PCDHA5: variants seen among roughly 807,000 people sequenced by gnomAD.
PCDHA5 encodes protocadherin alpha-5.
A neutral mutation model predicts 61.6 loss-of-function variants in PCDHA5; 43 were observed. The observed-to-expected ratio is 0.70, with a 90% CI of 0.55 to 0.90. PCDHA5 has a LOEUF of 0.90. PCDHA5 is among the 40% of genes least tolerant of loss of function. The pLI, the probability that PCDHA5 is intolerant of heterozygous loss-of-function variation, is 0.00. For synonymous variants in PCDHA5, 627 were observed against 543.9 expected (o/e 1.15, Z -2.13); for missense variants, 1,298 against 1,222.7 (o/e 1.06, Z -0.92).
At position 140,982,572 on chromosome 5, in the gene PCDHA5, C is replaced by G. The variant is rs782271002; in HGVS notation, c.2500+9C>G. 1 of 1,613,760 alleles carries G rather than the reference C, an allele frequency of 6.2e-7. No homozygotes were observed. Among genetic ancestry groups the G allele is most frequent in the Non-Finnish European group, 8.5e-7 (1 of 1,179,726 alleles). On this transcript the variant is annotated intron_variant, in intron 3 of 3. Transcript: ENST00000529859. ...ATCCAGTGCAACACCAGGTAAAGAGCTGGGGTCTCTCCATTCTTTCTTGGT... is the reference window on the plus strand; with the variant it reads ...ATCCAGTGCAACACCAGGTAAAGAGGTGGGGTCTCTCCATTCTTTCTTGGT...
intron 1 of PCDHA5, among the ~76,000 whole-genome samples, chr5:140,831,520 C>CTTTTTTTT (rs35178185): frequency 4.1e-5 from 5 of 122,414 alleles, no homozygotes; most frequent in Non-Finnish European, 6.6e-5. Context: ...TGCCCCCCAC[C>CTTTTTTTT]TTTTTTTTTT....
intron 1 of PCDHA5, chr5:140,882,442 G>A (rs1554174153): frequency 6.2e-7 from 1 of 1,613,948 alleles, no homozygotes; most frequent in African/African-American, 1.3e-5. Context: ...AGCTGGCGGA[G>A]CTGGTGCCGC....
chr5:140,857,573 G>A (rs142356019), intron 1 of PCDHA5: 83,412 of 1,596,632 alleles, frequency 0.052, 9,343 homozygotes, highest in Middle Eastern at 0.089. Flanking sequence ...CTACGTGTCG[G>A]TGCACGCGGA....
chr5:140,827,185 C>G (rs1368140557), intron 1 of PCDHA5, among the ~76,000 whole-genome samples: 1 of 151,946 alleles, frequency 6.6e-6, no homozygotes, highest in Non-Finnish European at 1.5e-5. Flanking sequence ...AAGTCTTATT[C>G]AAAACTTGGA....
intron 1 of PCDHA5, chr5:140,882,691 C>G (rs201544181): frequency 1.2e-6 from 2 of 1,614,216 alleles, no homozygotes; most frequent in Admixed American, 1.7e-5. Context: ...AACGAATAAT[C>G]ATTGCAGAAT....
intron 3 of PCDHA5, among the ~76,000 whole-genome samples, chr5:140,988,416 A>G (rs1462025901): frequency 6.6e-6 from 1 of 152,118 alleles, no homozygotes; most frequent in Non-Finnish European, 1.5e-5. Flanking sequence ...AGCTTATGTA[A>G]AGAATTTGTT....
At chr5:140,997,911 C>T (rs2097790216) in intron 3 of PCDHA5, among the ~76,000 whole-genome samples, 1 of 152,120 alleles carries the variant, frequency 6.6e-6, no homozygotes, top group East Asian at 1.9e-4. Context: ...AGTAGAATTA[C>T]AGAATCATAG....
intron 1 of PCDHA5, chr5:140,849,834 G>A: frequency 6.3e-7 from 1 of 1,598,606 alleles, no homozygotes; most frequent in Admixed American, 1.7e-5. Context: ...GGAGGTGGCC[G>A]ACGTGAACGA....
intron 1 of PCDHA5, chr5:140,882,426 G>A (rs148335988): frequency 6.1e-5 from 99 of 1,613,954 alleles, no homozygotes; most frequent in Non-Finnish European, 7.9e-5. Context: ...CAGGACCTGG[G>A]GCTGGAGCTG....
chr5:140,905,991 G>C (rs1377300111), intron 1 of PCDHA5, among the ~76,000 whole-genome samples: 1 of 152,156 alleles, frequency 6.6e-6, no homozygotes, highest in Non-Finnish European at 1.5e-5. Flanking sequence ...AAAGATGTAG[G>C]CTGGGAGGCT....
At chr5:140,902,395 G>A (rs782771913) in intron 1 of PCDHA5, among the ~76,000 whole-genome samples, 2 of 151,802 alleles carry the variant, frequency 1.3e-5, no homozygotes, top group Non-Finnish European at 2.9e-5. Context: ...GTACTATGTT[G>A]AATACTATGT....
In PCDHA5 at chr5:140,850,283, A is replaced by C. The variant is rs143335350; in HGVS notation, c.2352+26156A>C. The C allele has an allele frequency of 4.9e-5, 78 of 1,595,592 alleles. 6 individuals carry two copies. In the African/African-American group the frequency reaches 9.3e-4, roughly 19 times the overall value. On this transcript the variant is annotated intron_variant, in intron 1 of 3. Coordinates refer to ENST00000529859, the MANE Select transcript of PCDHA5 (RefSeq NM_018908.3). ...GCGTAGTGGTGGGGAAGGTGCGCGC[A>C]GTGGACGCCGACTCGGGCTACAACG...
chr5:140,943,005 C>T (rs1383622610), intron 1 of PCDHA5, among the ~76,000 whole-genome samples: 2 of 151,608 alleles, frequency 1.3e-5, no homozygotes, highest in African/African-American at 4.8e-5. Context: ...GCCTGTAATC[C>T]CAGCACTTTG....
chr5:140,864,851 A>G (rs1554159167), intron 1 of PCDHA5: 1 of 152,190 alleles, frequency 6.6e-6, no homozygotes, highest in Non-Finnish European at 1.5e-5. Context: ...CTTCCCATAC[A>G]TGATGAAGGG....
At chr5:140,959,414 C>T (rs1408668310) in intron 1 of PCDHA5, among the ~76,000 whole-genome samples, 3 of 151,996 alleles carry the variant, frequency 2.0e-5, no homozygotes, top group African/African-American at 7.2e-5. Context: ...GTTGATTGAT[C>T]TGAGAATTTG....
chr5:140,843,962 A>G (rs1554140497), intron 1 of PCDHA5, among the ~76,000 whole-genome samples: 1 of 149,518 alleles, frequency 6.7e-6, no homozygotes, highest in Non-Finnish European at 1.5e-5. Context: ...TTTACTGAAT[A>G]TTTATTTTGG....
At chr5:140,981,332 G>A (rs1407839547) in intron 2 of PCDHA5, among the ~76,000 whole-genome samples, 1 of 152,182 alleles carries the variant, frequency 6.6e-6, no homozygotes, top group Non-Finnish European at 1.5e-5. Context: ...CCAGCACTTT[G>A]GGAGGGTGAG....
At chr5:140,871,700 A>G in intron 1 of PCDHA5, 1 of 896,726 alleles carries the variant, frequency 1.1e-6, no homozygotes, top group Non-Finnish European at 1.6e-6. Flanking sequence ...TTCTTTAACC[A>G]ATAAATGTCC....
chr5:140,967,691 A>G (rs1586235214), intron 1 of PCDHA5: 1 of 1,614,162 alleles, frequency 6.2e-7, no homozygotes, highest in East Asian at 2.2e-5. Flanking sequence ...GCAGCTCTTC[A>G]GCATAGATGC....
Sources: allele counts gnomAD v4.1 joint callset (sites outside exome capture counted in the v4.1 genomes callset), GRCh38; gene constraint gnomAD v4.1.1; transcripts MANE v1.5; gene names NCBI Gene and HGNC (gene_info 2026-07-23, HGNC 2026-07-21).